Variants in UNK observed in about 807,000 individuals in gnomAD.
UNK encodes the protein RING finger protein unkempt homolog.
In UNK, 32 loss-of-function variants were observed where a neutral mutation model predicts 97.6. The observed-to-expected ratio is 0.33, with a 90% CI of 0.25 to 0.44. The LOEUF is 0.44. UNK is among the 20% of genes least tolerant of loss of function. The pLI, the probability that UNK is intolerant of heterozygous loss-of-function variation, is 1.00. For synonymous variants in UNK, 441 were observed against 461.2 expected, an observed-to-expected ratio of 0.96 and a Z score of 0.56; for missense variants, 771 against 1,098.4, an observed-to-expected ratio of 0.70 and a Z score of 4.21.
chr17:75,799,196 C>T (rs2061834369), intron 1 of UNK, among the ~76,000 whole-genome samples: 1 of 152,088 alleles, frequency 6.6e-6, no homozygotes, highest in Admixed American at 6.6e-5. Flanking sequence ...CCTGTAGTCC[C>T]AACTACTCGG....
chr17:75,807,110 C>A (rs1332256815), intron 1 of UNK, among the ~76,000 whole-genome samples: 2 of 152,244 alleles, frequency 1.3e-5, no homozygotes, highest in Non-Finnish European at 2.9e-5. Flanking sequence ...ACAGACTGTG[C>A]CCAGAGGCAG....
At chr17:75,810,204 G>A (rs2061955891) in intron 2 of UNK, among the ~76,000 whole-genome samples, 1 of 152,156 alleles carries the variant, frequency 6.6e-6, no homozygotes. Flanking sequence ...TAAGCCTAAG[G>A]GCCCACATCT....
In UNK at chr17:75,809,952, C is replaced by G. The variant is rs757593968; in HGVS notation, c.297C>G (p.Leu99=). ...YCTKYDEATG[L]CPEGDECPFL... ...CCAAGTACGACGAGGCTACAGGCCTCTGCCCGGAGGGCGACGAGTGAGTGA... is the reference window on the plus strand; with the variant it reads ...CCAAGTACGACGAGGCTACAGGCCTGTGCCCGGAGGGCGACGAGTGAGTGA... Residue 99 remains leucine (L), a synonymous_variant, in exon 2 of 16, where the codon CTC becomes CTG. Coordinates refer to ENST00000589666, the MANE Select transcript of UNK (RefSeq NM_001080419.3). 6.2e-7 allele frequency: 1 copy of G among 1,613,606 alleles called. No homozygotes were observed. Among genetic ancestry groups the G allele is most frequent in the Non-Finnish European group, 8.5e-7 (1 of 1,179,888 alleles).
At position 75,816,881 on chromosome 17, in the gene UNK, C is replaced by T; in HGVS notation, c.1073C>T (p.Pro358Leu). 5.0e-6 allele frequency: 8 copies of T among 1,606,356 alleles called. No homozygotes were observed. Among genetic ancestry groups the T allele is most frequent in the African/African-American group, 1.3e-5 (1 of 74,994 alleles). The change falls in exon 8 of 16, where the codon CCC (proline) becomes CTC (leucine). Residue 358 changes from proline (P) to leucine (L), a missense_variant. This residue lies in a region of UNK where 192 missense variants were observed against 202.4 expected (regional missense o/e 0.95). Coordinates refer to ENST00000589666, the MANE Select transcript of UNK (RefSeq NM_001080419.3). The surrounding 1 kb of genome is among the most constrained non-coding windows in gnomAD (Gnocchi z 4.0). ...GCCGGAGACTCGGTGCCTGTGAGCC[C>T]CTCCAGCCCGCATGCCCCTGACCTC... The part of the protein sequence containing the change: ...SAAGDSVPVS[P>L]SSPHAPDLSA...
rs1159788202 is a variant in UNK at position 75,817,082 on chromosome 17, G to T, written c.1104+170G>T. On this transcript the variant is annotated intron_variant, in intron 8 of 15. Coordinates refer to ENST00000589666, the MANE Select transcript of UNK (RefSeq NM_001080419.3). This position sits in a 1 kb window ranked among gnomAD's most constrained non-coding sequence, Gnocchi z 5.8. ...CTTCGTCAAAAGTCCAGGCCCGGGG[G>T]TGGGGTAGGGCAGTCCCCAGAGCCT... Among the ~76,000 whole-genome samples the T allele has an allele frequency of 2.2e-5, 3 of 138,930 alleles. No individual in the cohort carries two copies. The highest frequency in any genetic ancestry group is 4.9e-5 in the Non-Finnish European group (3 of 61,690). The allele number at this position is 138,930 out of a possible 152,430, so 91.1% of individuals were successfully genotyped here.
chr17:75,809,666 G>T, intron 1 of UNK, 94 bp from the exon 2 acceptor site: 1 of 1,341,334 alleles, frequency 7.5e-7, no homozygotes. Flanking sequence ...CCCAGAGCAG[G>T]GCCCTCAGGG....
At chr17:75,811,724 C>T (rs2061970780) in intron 2 of UNK, among the ~76,000 whole-genome samples, 2 of 152,184 alleles carry the variant, frequency 1.3e-5, no homozygotes, top group Non-Finnish European at 2.9e-5. Context: ...CGCAGTGGCT[C>T]ATGCTTGTAA....
rs746693630 is a variant in UNK, at chr17:75,812,083, G to T, written c.315-29G>T. On this transcript the variant is annotated intron_variant, in intron 2 of 15. Transcript: ENST00000589666. ...GGAAGCCTAGGCTGCAGGCAGCAAA[G>T]TTGAGTGACCCCCACTACCGTGTTC... 1.2e-5 allele frequency: 18 copies of T among 1,560,084 alleles called. No homozygotes were observed. The South Asian group carries it at 2.0e-4, about 17-fold the overall frequency.
At chr17:75,799,128 T>C (rs2098898325) in intron 1 of UNK, among the ~76,000 whole-genome samples, 1 of 149,288 alleles carries the variant, frequency 6.7e-6, no homozygotes, top group African/African-American at 2.5e-5. Context: ...CTGGGCAACA[T>C]GGCGAAACCT....
At chr17:75,804,444 G>C (rs1378255383) in intron 1 of UNK, among the ~76,000 whole-genome samples, 1 of 152,090 alleles carries the variant, frequency 6.6e-6, no homozygotes, top group African/African-American at 2.4e-5. Context: ...GACAGAGTGA[G>C]ACTCCATCTA....
intron 7 of UNK, among the ~76,000 whole-genome samples, chr17:75,815,885 TAA>T (rs35955807): frequency 0.051 from 6,065 of 119,126 alleles, 293 homozygotes; most frequent in African/African-American, 0.14. Flanking sequence ...GACTCTGTCT[TAA>T]AAAAAAAAAA....
intron 1 of UNK, among the ~76,000 whole-genome samples, chr17:75,790,102 C>A (rs1018000077): frequency 6.6e-6 from 1 of 152,072 alleles, no homozygotes; most frequent in Non-Finnish European, 1.5e-5. Context: ...GAGATCGCGC[C>A]ATTGCACTCC....
rs111635040 is a variant in UNK at position 75,811,237 on chromosome 17, G to A, written c.315-875G>A. ...CAAGTGTTGGGATTTACAGGGGTGAGCCACCACGCCTGGCCATGATTTAAA... is the reference window on the plus strand; with the variant it reads ...CAAGTGTTGGGATTTACAGGGGTGAACCACCACGCCTGGCCATGATTTAAA... On this transcript the variant is annotated intron_variant, in intron 2 of 15. Coordinates refer to ENST00000589666, the MANE Select transcript of UNK (RefSeq NM_001080419.3). 3.3e-5 allele frequency among the ~76,000 whole-genome samples: 5 copies of A among 152,308 alleles called. 1 individual carries two copies. Among genetic ancestry groups the A allele is most frequent in the African/African-American group, 1.2e-4 (5 of 41,578 alleles).
chr17:75,798,316 A>G (rs1599365104), intron 1 of UNK, among the ~76,000 whole-genome samples: 1 of 151,612 alleles, frequency 6.6e-6, no homozygotes, highest in South Asian at 2.1e-4. Context: ...TGATCCCCCC[A>G]CCTCAGCCTC....
At chr17:75,804,585 C>T (rs1468313705) in intron 1 of UNK, among the ~76,000 whole-genome samples, 2 of 152,160 alleles carry the variant, frequency 1.3e-5, no homozygotes, top group African/African-American at 2.4e-5. Flanking sequence ...TGCCTGTAAT[C>T]CCAGCACATT....
In UNK at chr17:75,824,472, G is replaced by T; in HGVS notation, c.*55G>T. On this transcript the variant is annotated 3_prime_UTR_variant, in exon 16 of 16. Transcript: ENST00000589666. This position sits in a 1 kb window ranked among gnomAD's most constrained non-coding sequence, Gnocchi z 4.9. ...ATCTTCTCACCTAGGACTTTTTAAA[G>T]TATATATATATATATGAATATATAT... The T allele has an allele frequency of 9.0e-7, 1 of 1,106,132 alleles. No individual in the cohort carries two copies. The allele number at this position is 1,106,132 out of a possible 1,614,324, so 68.5% of individuals were successfully genotyped here.
chr17:75,823,239 G>A (rs1166111182), intron 14 of UNK, 26 bp from the exon 15 acceptor site: 3 of 1,572,142 alleles, frequency 1.9e-6, no homozygotes, highest in Non-Finnish European at 2.6e-6. Context: ...GGGCCATTGT[G>A]ATGAGACTGT....
intron 1 of UNK, among the ~76,000 whole-genome samples, chr17:75,809,405 G>C (rs2061948174): frequency 6.6e-6 from 1 of 152,258 alleles, no homozygotes; most frequent in South Asian, 2.1e-4. Flanking sequence ...GGCGCCTCAT[G>C]CTCTTATTTG....
chr17:75,784,863 A>G lies in UNK; in HGVS notation c.-18A>G. On this transcript the variant is annotated 5_prime_UTR_variant, in exon 1 of 16. Transcript: ENST00000589666. ...GAATAATAAAAGGGGAGCGGCGAAG[A>G]GGCAGGAAGACAAGACCATGTCGAA... 6.2e-7 allele frequency: 1 copy of G among 1,602,838 alleles called. No individual in the cohort carries two copies. Among genetic ancestry groups the G allele is most frequent in the Non-Finnish European group, 8.5e-7 (1 of 1,174,670 alleles).
Sources: allele counts gnomAD v4.1 joint callset (sites outside exome capture counted in the v4.1 genomes callset), GRCh38; gene constraint gnomAD v4.1.1; regional missense constraint gnomAD v4.1.1; non-coding constraint Gnocchi (gnomAD v3.1); transcripts MANE v1.5; gene names NCBI Gene and HGNC (gene_info 2026-07-23, HGNC 2026-07-21).